Variants in TAB2 observed in about 807,000 individuals in gnomAD.
TAB2 encodes TGF-beta activated kinase 1 (MAP3K7) binding protein 2, also known as TGF-beta-activated kinase 1 and MAP3K7-binding protein 2.
Under a neutral mutation model 65.0 loss-of-function variants are expected in TAB2, and 3 were observed. That is an observed-to-expected ratio of 0.05 (90% CI 0.02 to 0.12). The LOEUF (loss-of-function observed/expected upper bound fraction) is 0.12. TAB2 is among the 10% of genes least tolerant of loss of function. TAB2 has a pLI of 1.00. For synonymous variants in TAB2, 298 were observed against 285.1 expected (o/e 1.05, Z -0.46); for missense variants, 623 against 840.3 (o/e 0.74, Z 3.20).
intron 1 of TAB2, among the ~76,000 whole-genome samples, chr6:149,236,028 A>G (rs931572935): frequency 6.6e-6 from 1 of 152,212 alleles, no homozygotes; most frequent in African/African-American, 2.4e-5. Context: ...AGAGCTCAAA[A>G]TGCAGAAATA....
At chr6:149,300,787 G>A (rs779741687) in intron 1 of TAB2, among the ~76,000 whole-genome samples, 3 of 152,036 alleles carry the variant, frequency 2.0e-5, no homozygotes, top group Admixed American at 6.6e-5. Context: ...GGAGAGCACT[G>A]GGGGGGTGAA....
At chr6:149,233,269 G>A (rs1777438443) in intron 1 of TAB2, among the ~76,000 whole-genome samples, 1 of 152,172 alleles carries the variant, frequency 6.6e-6, no homozygotes. Flanking sequence ...CTGTCATCCA[G>A]GGTCCGAGAC....
At chr6:149,279,258 A>G (rs543500291) in intron 1 of TAB2, among the ~76,000 whole-genome samples, 3 of 152,198 alleles carry the variant, frequency 2.0e-5, no homozygotes, top group East Asian at 1.9e-4. Context: ...AACTTGCTCC[A>G]TGTGGTTTCA....
At chr6:149,393,461 C>T (rs1295230684) in intron 3 of TAB2, among the ~76,000 whole-genome samples, 1 of 152,158 alleles carries the variant, frequency 6.6e-6, no homozygotes, top group Non-Finnish European at 1.5e-5. Context: ...AGAATTTACT[C>T]TTTAACCTCA....
At position 149,332,206 on chromosome 6, in the gene TAB2, T is replaced by C. The variant is rs1156507895; in HGVS notation, c.-90+14191T>C. Among the ~76,000 whole-genome samples, 5 of 152,146 alleles carry C rather than the reference T, an allele frequency of 3.3e-5. No individual in the cohort carries two copies. The East Asian group carries it at 5.8e-4, about 18-fold the overall frequency. On this transcript the variant is annotated intron_variant, in intron 1 of 6. Transcript: ENST00000637181. ...AACTTTGAAATGCCTTTTAGACATA[T>C]AACCAGTGATATCAACTGGGCAATT...
intron 1 of TAB2, among the ~76,000 whole-genome samples, chr6:149,285,833 G>C (rs1026590871): frequency 6.6e-6 from 1 of 152,132 alleles, no homozygotes; most frequent in African/African-American, 2.4e-5. Flanking sequence ...AACATGGATT[G>C]CTGGCACCTC....
At chr6:149,368,247 G>A (rs2114851986) in intron 1 of TAB2, among the ~76,000 whole-genome samples, 1 of 152,252 alleles carries the variant, frequency 6.6e-6, no homozygotes. Flanking sequence ...GGGAGTAGTG[G>A]TTGAATGGGT....
chr6:149,265,533 T>TGCTTCCTTAA (rs141779125), intron 1 of TAB2, among the ~76,000 whole-genome samples: 3,751 of 152,240 alleles, frequency 0.025, 158 homozygotes, highest in African/African-American at 0.087. Flanking sequence ...TTTTTGCCCC[T>TGCTTCCTTAA]GCTTCCTTAA....
At chr6:149,263,592 T>C (rs1269916767) in intron 1 of TAB2, among the ~76,000 whole-genome samples, 1 of 152,202 alleles carries the variant, frequency 6.6e-6, no homozygotes, top group Admixed American at 6.5e-5. Flanking sequence ...ACAAGGTTGG[T>C]AAGATGTCAA....
chr6:149,256,031 G>A (rs1361415900), intron 1 of TAB2, among the ~76,000 whole-genome samples: 1 of 152,154 alleles, frequency 6.6e-6, no homozygotes, highest in East Asian at 1.9e-4. Context: ...TGCTAGCAGG[G>A]AAGAGTTGAT....
At chr6:149,355,765 C>G (rs1583117491) in intron 1 of TAB2, among the ~76,000 whole-genome samples, 1 of 151,928 alleles carries the variant, frequency 6.6e-6, no homozygotes, top group Non-Finnish European at 1.5e-5. Flanking sequence ...GATTACCTTA[C>G]TTACATGACA....
chr6:149,314,470 C>T (rs1779216706), upstream of TAB2, among the ~76,000 whole-genome samples: 1 of 152,190 alleles, frequency 6.6e-6, no homozygotes, highest in Admixed American at 6.5e-5. Context: ...CCCTTTTCTG[C>T]TATGTGCATG....
chr6:149,274,152 C>T (rs1778411776), intron 1 of TAB2, among the ~76,000 whole-genome samples: 1 of 152,340 alleles, frequency 6.6e-6, no homozygotes, highest in South Asian at 2.1e-4. Flanking sequence ...GGGCCCAGAA[C>T]CATCAATTTT....
chr6:149,226,428 TC>T (rs1777278565), intron 1 of TAB2, among the ~76,000 whole-genome samples: 1 of 152,218 alleles, frequency 6.6e-6, no homozygotes, highest in South Asian at 2.1e-4. Flanking sequence ...CATAATCCTC[TC>T]CAATCCCTAT....
At chr6:149,357,720 G>C (rs776870397) in intron 1 of TAB2, among the ~76,000 whole-genome samples, 3 of 148,950 alleles carry the variant, frequency 2.0e-5, no homozygotes, top group Non-Finnish European at 4.4e-5. Flanking sequence ...TTTTTTTTGA[G>C]ACAGAGTCTC....
At chr6:149,369,071 T>G (rs1169282734) in intron 1 of TAB2, among the ~76,000 whole-genome samples, 1 of 152,188 alleles carries the variant, frequency 6.6e-6, no homozygotes, top group East Asian at 1.9e-4. Flanking sequence ...GATTGTCTTC[T>G]TATGAAATTT....
intron 1 of TAB2, among the ~76,000 whole-genome samples, chr6:149,282,680 T>G (rs1004369910): frequency 2.0e-5 from 3 of 152,340 alleles, no homozygotes; most frequent in African/African-American, 7.2e-5. Flanking sequence ...ATTAAGAGCA[T>G]TATTCACTGA....
chr6:149,368,433 G>A (rs968097296), intron 1 of TAB2, among the ~76,000 whole-genome samples: 6 of 149,854 alleles, frequency 4.0e-5, no homozygotes, highest in East Asian at 1.9e-4. Flanking sequence ...AGACACTTAC[G>A]TATAAACAAC....
chr6:149,372,095 C>T (rs1781245578), intron 2 of TAB2, among the ~76,000 whole-genome samples: 1 of 152,064 alleles, frequency 6.6e-6, no homozygotes, highest in African/African-American at 2.4e-5. Context: ...GAGCATTTCC[C>T]TACATATAGT....
Sources: allele counts gnomAD v4.1 joint callset (sites outside exome capture counted in the v4.1 genomes callset), GRCh38; gene constraint gnomAD v4.1.1; transcripts MANE v1.5; gene names NCBI Gene and HGNC (gene_info 2026-07-23, HGNC 2026-07-21).